Variants in NREP observed in about 807,000 individuals in gnomAD.
NREP encodes neuronal regeneration related protein.
In NREP, 5 loss-of-function variants were observed where a neutral mutation model predicts 8.6. The observed-to-expected ratio is 0.58, with a 90% CI of 0.30 to 1.22. The LOEUF (loss-of-function observed/expected upper bound fraction) is 1.22. NREP is among the 50% of genes most tolerant of loss of function. The pLI, the probability that NREP is intolerant of heterozygous loss-of-function variation, is 0.07. For synonymous variants in NREP, 27 were observed against 28.0 expected, an observed-to-expected ratio of 0.96 and a Z score of 0.11; for missense variants, 86 against 82.5, an observed-to-expected ratio of 1.04 and a Z score of -0.17.
chr5:111,915,708 T>G (rs561379368), intron 2 of NREP, among the ~76,000 whole-genome samples: 1 of 152,170 alleles, frequency 6.6e-6, no homozygotes, highest in East Asian at 1.9e-4. Flanking sequence ...CATATAAACA[T>G]AAAACAAATA....
At chr5:111,969,570 T>C (rs536139513) in intron 2 of NREP, 2 of 152,290 alleles carry the variant, frequency 1.3e-5, no homozygotes, top group African/African-American at 2.4e-5. Flanking sequence ...GGTAAATTGA[T>C]TGTTCTCTTT....
At chr5:111,759,223 G>A (rs955806211), upstream of NREP, among the ~76,000 whole-genome samples, 1 of 152,132 alleles carries the variant, frequency 6.6e-6, no homozygotes, top group Non-Finnish European at 1.5e-5. Flanking sequence ...CTCAGGGTCA[G>A]GCTGGGAAAG....
chr5:111,829,629 C>T (rs773819552), intron 2 of NREP, among the ~76,000 whole-genome samples: 6 of 152,154 alleles, frequency 3.9e-5, no homozygotes, highest in Non-Finnish European at 7.4e-5. Context: ...TTTCTTGCCT[C>T]ACAATGGATG....
chr5:111,798,759 GTGTGTGTGTGTGTGTGTA>G (rs765052845), intron 2 of NREP, among the ~76,000 whole-genome samples: 12,516 of 93,922 alleles, frequency 0.13, 634 homozygotes, highest in African/African-American at 0.21. Context: ...GTGTGTGTGT[GTGTGTGTGTGTGTGTGTA>G]TGTGTGTGTG....
At chr5:111,789,776 T>C (rs1751697424) in intron 2 of NREP, among the ~76,000 whole-genome samples, 1 of 152,136 alleles carries the variant, frequency 6.6e-6, no homozygotes, top group South Asian at 2.1e-4. Context: ...TGGCAAGAAA[T>C]AGTCTTGAGC....
chr5:111,944,839 G>T (rs999009487), intron 2 of NREP, among the ~76,000 whole-genome samples: 7 of 152,030 alleles, frequency 4.6e-5, no homozygotes, highest in African/African-American at 7.2e-5. Context: ...ACAGTCCCCT[G>T]CAGACTTCAG....
intron 2 of NREP, among the ~76,000 whole-genome samples, chr5:111,967,761 T>C (rs1044842956): frequency 9.2e-5 from 14 of 152,186 alleles, no homozygotes; most frequent in African/African-American, 3.1e-4. Context: ...TGTGATCTTT[T>C]CTGTCTTCCC....
At chr5:111,815,426 T>C (rs1443509983) in intron 2 of NREP, among the ~76,000 whole-genome samples, 2 of 152,178 alleles carry the variant, frequency 1.3e-5, no homozygotes, top group Non-Finnish European at 2.9e-5. Flanking sequence ...TTATGTAATT[T>C]TATTAAAAAC....
chr5:111,965,314 A>T (rs1756613138), intron 2 of NREP, among the ~76,000 whole-genome samples: 1 of 152,204 alleles, frequency 6.6e-6, no homozygotes, highest in Admixed American at 6.5e-5. Flanking sequence ...CATCTAAGCC[A>T]ATTAAAATAT....
At chr5:111,781,520 G>C (rs1042218889) in intron 2 of NREP, among the ~76,000 whole-genome samples, 7 of 152,162 alleles carry the variant, frequency 4.6e-5, no homozygotes, top group Non-Finnish European at 1.0e-4. Flanking sequence ...GCACAGGCAG[G>C]CCATCTCTAC....
chr5:111,837,835 CAT>C (rs1435044623), intron 2 of NREP, among the ~76,000 whole-genome samples: 2 of 152,008 alleles, frequency 1.3e-5, no homozygotes, highest in Non-Finnish European at 2.9e-5. Context: ...AGAGGAAAAA[CAT>C]AATTTTTTCA....
At chr5:111,792,304 T>C (rs1358263518) in intron 2 of NREP, among the ~76,000 whole-genome samples, 1 of 152,198 alleles carries the variant, frequency 6.6e-6, no homozygotes, top group Non-Finnish European at 1.5e-5. Flanking sequence ...ATTTGTGTTG[T>C]CTTATTTAGA....
chr5:111,796,833 T>C (rs1055403717), intron 2 of NREP, among the ~76,000 whole-genome samples: 1 of 152,156 alleles, frequency 6.6e-6, no homozygotes, highest in African/African-American at 2.4e-5. Flanking sequence ...TAAAATCACA[T>C]TGCAGAGACA....
intron 2 of NREP, among the ~76,000 whole-genome samples, chr5:111,816,236 G>A (rs1166741316): frequency 1.3e-5 from 2 of 152,136 alleles, no homozygotes; most frequent in Admixed American, 1.3e-4. Flanking sequence ...TTTGCCAAGA[G>A]GCCCGCCTAG....
At chr5:111,942,214 C>T (rs983517562) in intron 2 of NREP, among the ~76,000 whole-genome samples, 1 of 151,976 alleles carries the variant, frequency 6.6e-6, no homozygotes, top group Non-Finnish European at 1.5e-5. Context: ...AATCCTGATG[C>T]TTACCATAAA....
intron 2 of NREP, chr5:111,949,052 G>C (rs185514098): frequency 6.6e-6 from 1 of 152,038 alleles, no homozygotes; most frequent in East Asian, 1.9e-4. Flanking sequence ...GACAAATAAA[G>C]GAAAAAACAA....
intron 2 of NREP, among the ~76,000 whole-genome samples, chr5:111,815,637 G>A (rs1201234766): frequency 6.6e-6 from 1 of 151,688 alleles, no homozygotes; most frequent in Non-Finnish European, 1.5e-5. Flanking sequence ...AATAAGACTC[G>A]GCATAAGACT....
intron 2 of NREP, among the ~76,000 whole-genome samples, chr5:111,853,345 C>T (rs137912869): frequency 6.6e-6 from 1 of 151,764 alleles, no homozygotes; most frequent in African/African-American, 2.4e-5. Context: ...TTGTCAAAAC[C>T]CATAGAATGT....
intron 2 of NREP, among the ~76,000 whole-genome samples, chr5:111,924,972 T>C (rs767354942): frequency 7.4e-4 from 113 of 152,068 alleles, no homozygotes; most frequent in Non-Finnish European, 1.2e-3. Context: ...AAAAGCCATG[T>C]GTAAATAGTA....
Sources: gnomAD v4.1 joint callset for allele counts (sites outside exome capture counted in the v4.1 genomes callset) on GRCh38, gnomAD v4.1.1 for gene constraint, MANE v1.5 for transcripts, NCBI Gene and HGNC (gene_info 2026-07-23, HGNC 2026-07-21) for gene names.